WDR19: variants seen among roughly 807,000 people sequenced by gnomAD.
WDR19 encodes the protein WD repeat-containing protein 19.
A neutral mutation model predicts 180.0 loss-of-function variants in WDR19; 121 were observed. That is an observed-to-expected ratio of 0.67 (90% CI 0.58 to 0.78). WDR19 has a LOEUF of 0.78. Among genes scored for constraint, WDR19 ranks in the 30% least tolerant of loss-of-function variants. The pLI, the probability that WDR19 is intolerant of heterozygous loss-of-function variation, is 0.00. For synonymous variants in WDR19, 497 were observed against 540.7 expected (o/e 0.92, Z 1.12); for missense variants, 1,450 against 1,640.7 (o/e 0.88, Z 2.01).
At chr4:39,282,695 G>C (rs1736680391) in intron 36 of WDR19, among the ~76,000 whole-genome samples, 1 of 152,166 alleles carries the variant, frequency 6.6e-6, no homozygotes. Flanking sequence ...ACCGTGCCCG[G>C]CCTATTTTGC....
intron 28 of WDR19, among the ~76,000 whole-genome samples, chr4:39,265,688 CT>C (rs1359236883): frequency 6.7e-6 from 1 of 149,124 alleles, no homozygotes; most frequent in Non-Finnish European, 1.5e-5. Flanking sequence ...AGGAGAATCA[CT>C]TGAACCGGGG....
intron 17 of WDR19, among the ~76,000 whole-genome samples, chr4:39,229,798 T>G (rs1384605366): frequency 2.0e-5 from 3 of 152,238 alleles, no homozygotes. Context: ...CTTCCAGTCA[T>G]GTGTCCTTGG....
intron 24 of WDR19, among the ~76,000 whole-genome samples, chr4:39,251,910 G>A (rs1479383462): frequency 3.3e-5 from 5 of 152,126 alleles, no homozygotes; most frequent in African/African-American, 9.7e-5. Flanking sequence ...ACTGTTGGTG[G>A]GACTGTAAAC....
chr4:39,283,846 ACTT>A (rs1278383859), intron 36 of WDR19, among the ~76,000 whole-genome samples: 3 of 151,776 alleles, frequency 2.0e-5, no homozygotes, highest in Admixed American at 6.6e-5. Flanking sequence ...TTTGCTGGTG[ACTT>A]CTTCTCTGTC....
intron 36 of WDR19, among the ~76,000 whole-genome samples, chr4:39,283,169 T>G (rs1187681689): frequency 2.0e-5 from 3 of 152,224 alleles, no homozygotes; most frequent in Non-Finnish European, 4.4e-5. Flanking sequence ...TGACAAATTT[T>G]GTCAAATGCT....
chr4:39,212,673 T>C (rs2109318151), intron 9 of WDR19, among the ~76,000 whole-genome samples: 1 of 152,086 alleles, frequency 6.6e-6, no homozygotes, highest in African/African-American at 2.4e-5. Flanking sequence ...AGCTGCAAAA[T>C]GAGAAAATAT....
Position 39,189,751 on chromosome 4 carries a change from A to G in WDR19, c.260A>G (p.Asn87Ser). ...ATTTATCTTTGGGATGCCAACACAAATAAGACCAGCCAGTTAGACAATGGC... is the reference window on the plus strand; with the variant it reads ...ATTTATCTTTGGGATGCCAACACAAGTAAGACCAGCCAGTTAGACAATGGC... ...SCIYLWDANT[N>S]KTSQLDNGMR... Residue 87 changes from asparagine to serine, a missense_variant, in exon 4 of 37, where the codon AAT (asparagine) becomes AGT (serine). By Grantham distance (46) the Asn-to-Ser change is conservative. Coordinates refer to ENST00000399820, the MANE Select transcript of WDR19 (RefSeq NM_025132.4). 6.2e-7 allele frequency: 1 copy of G among 1,611,170 alleles called. No individual in the cohort carries two copies. The highest frequency in any genetic ancestry group is 8.5e-7 in the Non-Finnish European group (1 of 1,179,048).
chr4:39,260,395 TG>T (rs1486881596), intron 28 of WDR19, among the ~76,000 whole-genome samples: 1 of 147,016 alleles, frequency 6.8e-6, no homozygotes, highest in Non-Finnish European at 1.5e-5. Context: ...TGGAGTTCAG[TG>T]GTGCGATCTC....
intron 28 of WDR19, among the ~76,000 whole-genome samples, chr4:39,260,455 G>A (rs548919752): frequency 4.6e-5 from 7 of 150,764 alleles, no homozygotes; most frequent in East Asian, 3.9e-4. Context: ...CTCCTGCCTC[G>A]GCCTCCAGCA....
intron 26 of WDR19, 108 bp downstream of exon 26, chr4:39,254,138 G>A: frequency 3.6e-6 from 4 of 1,118,314 alleles, no homozygotes; most frequent in Non-Finnish European, 4.8e-6. Flanking sequence ...TGCGCCTGGT[G>A]TAAATGTTTA....
At chr4:39,183,350 A>G (rs1027850602) in intron 1 of WDR19, among the ~76,000 whole-genome samples, 4 of 140,442 alleles carry the variant, frequency 2.8e-5, no homozygotes, top group Admixed American at 1.6e-4. Context: ...CCTGGGTTCA[A>G]GCGATTCTCC....
rs1213564159 is a variant in WDR19, at chr4:39,253,978, T to C, written c.2949T>C (p.Ala983=). Residue 983 remains alanine, a synonymous_variant, in exon 26 of 37, where the codon GCT becomes GCC. Coordinates refer to ENST00000399820, the MANE Select transcript of WDR19 (RefSeq NM_025132.4). The stretch of plus-strand genomic sequence containing the variant: ...TCATGTCCAAATGCAACAATGAAGC[T>C]TTCACACTGGCTCAGCAACACAACA... ...FLVMSKCNNE[A]FTLAQQHNKM... is the part of the protein sequence containing the mutation. 6.2e-7 allele frequency: 1 copy of C among 1,612,822 alleles called. No homozygotes were observed. The highest frequency in any genetic ancestry group is 8.5e-7 in the Non-Finnish European group (1 of 1,179,134).
At chr4:39,244,216 C>G in intron 21 of WDR19, 32 bp from the exon 22 acceptor site, 1 of 1,600,802 alleles carries the variant, frequency 6.2e-7, no homozygotes, top group Middle Eastern at 1.9e-4. Context: ...AAGCTAGAAT[C>G]TGATTTGTTA....
At chr4:39,245,854 T>C (rs1732465095) in intron 24 of WDR19, among the ~76,000 whole-genome samples, 2 of 152,234 alleles carry the variant, frequency 1.3e-5, no homozygotes, top group South Asian at 4.1e-4. Context: ...GCTGCTTGTT[T>C]AAGCTTGCTT....
At chr4:39,212,849 A>G (rs1728691422) in intron 9 of WDR19, among the ~76,000 whole-genome samples, 1 of 152,222 alleles carries the variant, frequency 6.6e-6, no homozygotes, top group East Asian at 1.9e-4. Flanking sequence ...ATCAATTTAT[A>G]CAACACGAAA....
chr4:39,190,918 A>G (rs1336680511), intron 4 of WDR19, among the ~76,000 whole-genome samples: 9 of 152,240 alleles, frequency 5.9e-5, no homozygotes, highest in Non-Finnish European at 1.2e-4. Context: ...AGCCAAATTC[A>G]GCAACAGTAA....
chr4:39,234,747 G>A lies in WDR19; in HGVS notation c.2254-19G>A. On this transcript the variant is annotated intron_variant, in intron 19 of 36. Coordinates refer to ENST00000399820, the MANE Select transcript of WDR19 (RefSeq NM_025132.4). ...ATAATTTTGCTCATTTGAAATTAAG[G>A]TCTTTCTCTTCTTAACAGATGAGAA... 1 of 1,516,470 alleles carries A rather than the reference G, an allele frequency of 6.6e-7. No individual in the cohort carries two copies. The highest frequency in any genetic ancestry group is 1.2e-5 in the South Asian group (1 of 83,448). The allele number at this position is 1,516,470 out of a possible 1,614,324, so 93.9% of individuals were successfully genotyped here.
intron 15 of WDR19, among the ~76,000 whole-genome samples, chr4:39,225,266 A>C (rs1730130402): frequency 6.6e-6 from 1 of 152,190 alleles, no homozygotes; most frequent in African/African-American, 2.4e-5. Flanking sequence ...TAATGGGAAA[A>C]ATAGTTATTA....
intron 25 of WDR19, 24 bp downstream of exon 25, chr4:39,253,316 T>C (rs1733430327): frequency 6.3e-7 from 1 of 1,594,056 alleles, no homozygotes; most frequent in Non-Finnish European, 8.5e-7. Flanking sequence ...TTAATATTTT[T>C]GGACTTTCAA....
Sources: gnomAD v4.1 joint callset for allele counts (sites outside exome capture counted in the v4.1 genomes callset) on GRCh38, gnomAD v4.1.1 for gene constraint, MANE v1.5 for transcripts, NCBI Gene and HGNC (gene_info 2026-07-23, HGNC 2026-07-21) for gene names.